The following RAF1 variants were observed in gnomAD, a reference collection of about 807,000 sequenced individuals.
RAF1 encodes RAF proto-oncogene serine/threonine-protein kinase.
Under a neutral mutation model 81.1 loss-of-function variants are expected in RAF1, and 27 were observed. The observed-to-expected ratio is 0.33, with a 90% confidence interval of 0.25 to 0.46. The LOEUF (loss-of-function observed/expected upper bound fraction) is 0.46. Ranked by LOEUF, RAF1 falls within the 20% of genes least tolerant of loss-of-function variation. RAF1 has a pLI of 1.00. For synonymous variants in RAF1, 298 were observed against 294.0 expected, an observed-to-expected ratio of 1.01 and a Z score of -0.14; for missense variants, 598 against 826.0, an observed-to-expected ratio of 0.72 and a Z score of 3.38.
intron 14 of RAF1, chr3:12,586,001 A>G (rs920150706): frequency 2.7e-5 from 15 of 560,222 alleles, no homozygotes; most frequent in African/African-American, 1.7e-4. Context: ...GGATTGGTCA[A>G]TGTGCCAGAT....
intron 11 of RAF1, among the ~76,000 whole-genome samples, chr3:12,598,333 G>T (rs1429594581): frequency 6.6e-6 from 1 of 152,108 alleles, no homozygotes; most frequent in Non-Finnish European, 1.5e-5. Context: ...CAAAGGAAAA[G>T]GAATCATTCC....
chr3:12,645,285 C>T (rs1233601941), intron 1 of RAF1, among the ~76,000 whole-genome samples: 2 of 152,072 alleles, frequency 1.3e-5, no homozygotes, highest in African/African-American at 4.8e-5. Flanking sequence ...CAGAATTTAA[C>T]ACAGCTTTAC....
In RAF1 at chr3:12,599,665, TAGTAAAGGGAGGGCCCCA is replaced by T; in HGVS notation, c.1168+8_1168+25del. 1 of 1,577,010 alleles carries T rather than the reference TAGTAAAGGGAGGGCCCCA, an allele frequency of 6.3e-7. No homozygotes were observed. The highest frequency in any genetic ancestry group is 2.2e-5 in the East Asian group (1 of 44,688). ...TGACTTCACACCAAAGCCCTGCAGTTAGTAAAGGGAGGGCCCCAAGCTTACCGTGCCATTTACCCTTAT... is the reference window on the plus strand; with the variant it reads ...TGACTTCACACCAAAGCCCTGCAGTTAGCTTACCGTGCCATTTACCCTTAT... On this transcript the variant is annotated splice_region_variant and intron_variant, in intron 11 of 17. Coordinates refer to ENST00000442415, the MANE Select transcript of RAF1 (RefSeq NM_001354689.3).
chr3:12,649,589 TCACACA>T (rs3072126), intron 1 of RAF1, among the ~76,000 whole-genome samples: 12,667 of 150,052 alleles, frequency 0.084, 1,251 homozygotes, highest in African/African-American at 0.24. Context: ...CCAGAGACTG[TCACACA>T]CACACACACA....
At chr3:12,636,384 A>C (rs1444555831) in intron 1 of RAF1, among the ~76,000 whole-genome samples, 1 of 151,550 alleles carries the variant, frequency 6.6e-6, no homozygotes, top group African/African-American at 2.4e-5. Flanking sequence ...TGGTGGAAGA[A>C]TCGCTTAAGC....
chr3:12,659,370 G>C (rs1401346717), intron 1 of RAF1, among the ~76,000 whole-genome samples: 1 of 124,950 alleles, frequency 8.0e-6, no homozygotes, highest in African/African-American at 3.0e-5. Flanking sequence ...GGAGGTTGTA[G>C]TGAGCCAAGA....
Position 12,633,458 on chromosome 3 carries a change from G to A in RAF1, c.-26-14711C>T, listed in dbSNP as rs555540051. Among the ~76,000 whole-genome samples, 21 of 150,652 alleles carry A rather than the reference G, an allele frequency of 1.4e-4. 1 individual carries two copies. The East Asian group carries it at 3.9e-3, about 28-fold the overall frequency. On this transcript the variant is annotated intron_variant, in intron 1 of 17. Transcript: ENST00000442415. ...GTGTTGTGCCACCACACTCCAGCTT[G>A]GGCAACAGAGGGAGACCCTGTCTGG... is the stretch of plus-strand genomic sequence containing the variant.
At position 12,583,718 on chromosome 3, in the gene RAF1, T is replaced by C. The variant is rs1031431813; in HGVS notation, c.*796A>G. The stretch of plus-strand genomic sequence containing the variant: ...AAACCCAAATCATCAAGAAAACCTG[T>C]ATTCCTGGCTTCCTTGTATACACAT... On this transcript the variant is annotated 3_prime_UTR_variant, in exon 18 of 18. Coordinates refer to ENST00000442415, the MANE Select transcript of RAF1 (RefSeq NM_001354689.3). The C allele has an allele frequency of 8.6e-6, 2 of 233,450 alleles. No individual in the cohort carries two copies. The highest frequency in any genetic ancestry group is 1.7e-5 in the Non-Finnish European group (2 of 118,038). The allele number at this position is 233,450 out of a possible 1,614,324, so 14.5% of individuals were successfully genotyped here. A position where few individuals can be genotyped will look rare whatever the true frequency, so the allele number is the denominator to read the frequency against.
rs191431634 is a variant in RAF1, at chr3:12,594,613, C to G, written c.1169-2821G>C. Among the ~76,000 whole-genome samples, 92 of 152,334 alleles carry G rather than the reference C, an allele frequency of 6.0e-4. 1 individual carries two copies. In the East Asian group the frequency reaches 0.016, roughly 26 times the overall value. On this transcript the variant is annotated intron_variant, in intron 11 of 17. Coordinates refer to ENST00000442415, the MANE Select transcript of RAF1 (RefSeq NM_001354689.3). ...GTCGGCTGAACTTCCTTGGCAGTTT[C>G]CACACACGTTATCATTAAGCCACAT...
chr3:12,629,825 G>A (rs760750889), intron 1 of RAF1, among the ~76,000 whole-genome samples: 3 of 152,094 alleles, frequency 2.0e-5, no homozygotes, highest in Non-Finnish European at 2.9e-5. Flanking sequence ...TGGGTCTGTT[G>A]CCCAGGTTGG....
intron 1 of RAF1, among the ~76,000 whole-genome samples, chr3:12,638,068 T>C (rs547841075): frequency 5.9e-5 from 9 of 152,274 alleles, no homozygotes; most frequent in Non-Finnish European, 8.8e-5. Context: ...AGCTTTTTGG[T>C]TTTCATAATA....
At chr3:12,632,519 G>C (rs1322354489) in intron 1 of RAF1, among the ~76,000 whole-genome samples, 1 of 152,106 alleles carries the variant, frequency 6.6e-6, no homozygotes, top group Non-Finnish European at 1.5e-5. Flanking sequence ...AGAAGGTAAA[G>C]ATACAGATTG....
chr3:12,628,751 T>TGGTGG (rs1553618798), intron 1 of RAF1, among the ~76,000 whole-genome samples: 5 of 82,216 alleles, frequency 6.1e-5, no homozygotes, highest in South Asian at 6.4e-4. Flanking sequence ...AGACTATTTT[T>TGGTGG]GGGGGGGGGG....
rs2058219382 is a variant in RAF1, at chr3:12,583,776, T to TTTGTTAGAGAAACAAGGCTGGCCC, written c.*737_*738insGGGCCAGCCTTGTTTCTCTAACAA. On this transcript the variant is annotated 3_prime_UTR_variant, in exon 18 of 18. Transcript: ENST00000442415. ...CTAGAGAAACAAGGCTGTTTGTTTG[T>TTTGTTAGAGAAACAAGGCTGGCCC]TTGTTTGTTAGAGAAACAAGGCTGG... The TTTGTTAGAGAAACAAGGCTGGCCC allele has an allele frequency of 4.3e-6, 1 of 233,522 alleles. No individual in the cohort carries two copies. Among genetic ancestry groups the TTTGTTAGAGAAACAAGGCTGGCCC allele is most frequent in the African/African-American group, 2.2e-5 (1 of 45,254 alleles). 14.5% of individuals were successfully genotyped at this position (233,522 alleles called of 1,614,324 possible).
At chr3:12,610,156 T>A (rs551920979) in intron 3 of RAF1, among the ~76,000 whole-genome samples, 2 of 152,344 alleles carry the variant, frequency 1.3e-5, no homozygotes, top group South Asian at 4.1e-4. Flanking sequence ...TCCTTTCTTA[T>A]GTTTTATCCA....
At chr3:12,631,555 C>G (rs923357391) in intron 1 of RAF1, among the ~76,000 whole-genome samples, 3 of 152,154 alleles carry the variant, frequency 2.0e-5, no homozygotes, top group Non-Finnish European at 4.4e-5. Flanking sequence ...GCCGAGATCG[C>G]GCCACTGCAC....
intron 14 of RAF1, 197 bp from the exon 14 acceptor site, chr3:12,585,996 G>T: frequency 3.5e-6 from 2 of 572,140 alleles, no homozygotes; most frequent in Non-Finnish European, 6.3e-6. Context: ...GGCAGGGATT[G>T]GTCAATGTGC....
At chr3:12,642,101 T>C (rs2060204869) in intron 1 of RAF1, among the ~76,000 whole-genome samples, 1 of 151,726 alleles carries the variant, frequency 6.6e-6, no homozygotes, top group Non-Finnish European at 1.5e-5. Flanking sequence ...TGAGCCCAGA[T>C]CGTGCCATTG....
intron 5 of RAF1, 37 bp downstream of exon 5, chr3:12,608,729 A>T (rs767632536): frequency 6.2e-7 from 1 of 1,603,746 alleles, no homozygotes; most frequent in Admixed American, 1.7e-5. Context: ...TATACTCCTC[A>T]TCCCTATCTT....
Sources: allele counts gnomAD v4.1 joint callset (sites outside exome capture counted in the v4.1 genomes callset), GRCh38; gene constraint gnomAD v4.1.1; transcripts MANE v1.5; gene names NCBI Gene and HGNC (gene_info 2026-07-23, HGNC 2026-07-21).